HYCC1: variants seen among roughly 807,000 people sequenced by gnomAD.
HYCC1 encodes the protein hyccin.
the HYCC1 span, among the ~76,000 whole-genome samples, chr7:22,918,424 A>G: frequency 6.6e-6 from 1 of 152,058 alleles, no homozygotes; most frequent in East Asian, 1.9e-4. Flanking sequence ...TGCCACCCCT[A>G]ATCCCACTAG....
chr7:22,934,434 C>T, the HYCC1 span: 1 of 152,130 alleles, frequency 6.6e-6, no homozygotes, highest in Non-Finnish European at 1.5e-5. Context: ...TTAACAGTAA[C>T]TCTCTTCTTG....
At chr7:22,951,742 GAAT>G in the HYCC1 span, among the ~76,000 whole-genome samples, 1 of 151,876 alleles carries the variant, frequency 6.6e-6, no homozygotes, top group East Asian at 1.9e-4. Context: ...GCAAATGATG[GAAT>G]ATTAACTCAA....
the HYCC1 span, among the ~76,000 whole-genome samples, chr7:22,898,918 A>G: frequency 1.3e-5 from 2 of 152,158 alleles, no homozygotes; most frequent in African/African-American, 4.8e-5. Context: ...ATATTTCTCA[A>G]TCCCTTCCAA....
At chr7:22,967,522 C>T in the HYCC1 span, among the ~76,000 whole-genome samples, 1 of 152,104 alleles carries the variant, frequency 6.6e-6, no homozygotes, top group Admixed American at 6.5e-5. Flanking sequence ...GGTTTTACCA[C>T]GTAGACACTG....
chr7:22,940,701 C>A, the HYCC1 span: 1 of 152,110 alleles, frequency 6.6e-6, no homozygotes, highest in African/African-American at 2.4e-5. Context: ...TAACATCAAC[C>A]TAACTCATTT....
At chr7:22,981,707 A>C in the HYCC1 span, among the ~76,000 whole-genome samples, 1 of 152,220 alleles carries the variant, frequency 6.6e-6, no homozygotes, top group East Asian at 1.9e-4. Context: ...ATATTTATAA[A>C]CTTTTATAGC....
At chr7:22,926,878 A>G in the HYCC1 span, among the ~76,000 whole-genome samples, 1 of 151,708 alleles carries the variant, frequency 6.6e-6, no homozygotes, top group Non-Finnish European at 1.5e-5. Context: ...AACAGAATAT[A>G]CATTCTTTTC....
At chr7:22,925,598 T>G in the HYCC1 span, among the ~76,000 whole-genome samples, 1 of 151,530 alleles carries the variant, frequency 6.6e-6, no homozygotes, top group Non-Finnish European at 1.5e-5. Context: ...GAAGACAAAA[T>G]GAATGAAATG....
the HYCC1 span, among the ~76,000 whole-genome samples, chr7:22,920,138 G>A: frequency 6.6e-6 from 1 of 152,046 alleles, no homozygotes; most frequent in African/African-American, 2.4e-5. Flanking sequence ...CAGTAGCCTT[G>A]ACAACATAGG....
At chr7:23,013,604 C>T in the HYCC1 span, among the ~76,000 whole-genome samples, 4 of 152,238 alleles carry the variant, frequency 2.6e-5, no homozygotes, top group South Asian at 4.1e-4. Context: ...CTGGACTGCT[C>T]CTCGCCGGGA....
At chr7:22,999,552 A>G in the HYCC1 span, among the ~76,000 whole-genome samples, 1 of 152,218 alleles carries the variant, frequency 6.6e-6, no homozygotes, top group African/African-American at 2.4e-5. Flanking sequence ...TTCACTGAAC[A>G]GGATGTCAAG....
chr7:23,013,851 C>G, the HYCC1 span: 1 of 445,994 alleles, frequency 2.2e-6, no homozygotes, highest in African/African-American at 2.0e-5. Context: ...CGCCCCGGCT[C>G]CTCCCTGACA....
the HYCC1 span, among the ~76,000 whole-genome samples, chr7:22,994,616 T>C: frequency 1.2e-4 from 19 of 152,114 alleles, no homozygotes; most frequent in Non-Finnish European, 4.4e-5. Context: ...GGAGCCCTCA[T>C]TGTATAGCTG....
At chr7:22,987,207 G>T in the HYCC1 span, among the ~76,000 whole-genome samples, 1 of 152,162 alleles carries the variant, frequency 6.6e-6, no homozygotes, top group South Asian at 2.1e-4. Context: ...AACTATTCAT[G>T]AAATCTTAAA....
the HYCC1 span, among the ~76,000 whole-genome samples, chr7:22,948,608 G>A: frequency 1.6e-4 from 24 of 152,062 alleles, no homozygotes; most frequent in Admixed American, 1.0e-3. Context: ...AAGTTGTTAC[G>A]GGTGCCTTGG....
At chr7:22,976,369 G>A in the HYCC1 span, 1 of 1,137,600 alleles carries the variant, frequency 8.8e-7, no homozygotes, top group East Asian at 2.4e-5. Flanking sequence ...CTATAATAGG[G>A]GAGAGAGCAC....
the HYCC1 span, among the ~76,000 whole-genome samples, chr7:22,931,131 C>T: frequency 1.8e-4 from 28 of 151,796 alleles, no homozygotes; most frequent in African/African-American, 4.4e-4. Context: ...GATTAAGATA[C>T]GCCCCAAATC....
At chr7:22,964,480 T>C in the HYCC1 span, 1 of 1,611,108 alleles carries the variant, frequency 6.2e-7, no homozygotes, top group Non-Finnish European at 8.5e-7. Flanking sequence ...TCCTGCTACT[T>C]ATACCTTTAT....
the HYCC1 span, among the ~76,000 whole-genome samples, chr7:22,927,367 G>T: frequency 7.1e-6 from 1 of 141,422 alleles, no homozygotes; most frequent in African/African-American, 2.5e-5. Context: ...ACACAAAAAA[G>T]CCTTCAAAAA....
Sources: gnomAD v4.1 joint callset for allele counts (sites outside exome capture counted in the v4.1 genomes callset) on GRCh38, gnomAD v4.1.1 for gene constraint, MANE v1.5 for transcripts, NCBI Gene and HGNC (gene_info 2026-07-23, HGNC 2026-07-21) for gene names.